Variants in CRPPA observed in about 807,000 individuals in gnomAD.
The protein encoded by CRPPA is D-ribitol-5-phosphate cytidylyltransferase.
CRPPA carries 43 observed loss-of-function variants against 52.0 expected under a neutral mutation model. The ratio of observed to expected loss-of-function variants is 0.83; its 90% CI spans 0.65 to 1.07. The LOEUF is 1.07. CRPPA is among the 50% of genes least tolerant of loss of function. The probability of loss-of-function intolerance (pLI) is 0.00; values close to 1 mark genes in which losing one functional copy is unlikely to be tolerated. For missense variants in CRPPA, 629 were observed against 551.7 expected, an observed-to-expected ratio of 1.14 and a Z score of -1.40; for synonymous variants, 250 against 203.5, an observed-to-expected ratio of 1.23 and a Z score of -1.94.
At chr7:16,360,766 T>C (rs1032628475) in intron 3 of CRPPA, among the ~76,000 whole-genome samples, 1 of 152,134 alleles carries the variant, frequency 6.6e-6, no homozygotes, top group Non-Finnish European at 1.5e-5. Context: ...AAAGCAAGAA[T>C]TATAGAAATC....
intron 5 of CRPPA, among the ~76,000 whole-genome samples, chr7:16,293,643 G>T (rs529099278): frequency 1.3e-5 from 2 of 152,012 alleles, no homozygotes; most frequent in Admixed American, 6.6e-5. Context: ...AACAAATAAA[G>T]ACATGCAAGA....
intron 6 of CRPPA, among the ~76,000 whole-genome samples, chr7:16,273,251 A>G (rs770009875): frequency 6.6e-6 from 1 of 151,914 alleles, no homozygotes; most frequent in Non-Finnish European, 1.5e-5. Flanking sequence ...CTGTGGCCCA[A>G]AGTGAGAACA....
At chr7:16,287,920 A>AG (rs1784483487) in intron 5 of CRPPA, among the ~76,000 whole-genome samples, 1 of 118,712 alleles carries the variant, frequency 8.4e-6, no homozygotes, top group Non-Finnish European at 1.7e-5. Context: ...AAAGGAAGGA[A>AG]GGAAGGGAGG....
At chr7:16,208,460 C>T (rs1439990657) in intron 9 of CRPPA, among the ~76,000 whole-genome samples, 1 of 152,130 alleles carries the variant, frequency 6.6e-6, no homozygotes, top group Non-Finnish European at 1.5e-5. Flanking sequence ...TCTGTAATTT[C>T]ATAATTTCAA....
intron 4 of CRPPA, among the ~76,000 whole-genome samples, chr7:16,306,031 T>A (rs931901962): frequency 2.0e-5 from 3 of 152,202 alleles, no homozygotes; most frequent in Non-Finnish European, 4.4e-5. Context: ...CCCCTGCCAT[T>A]CCTTGGCTTG....
chr7:16,379,937 A>G (rs569136508), intron 2 of CRPPA, among the ~76,000 whole-genome samples: 589 of 152,290 alleles, frequency 3.9e-3, no homozygotes, highest in Non-Finnish European at 6.9e-3. Context: ...ATCTGCAAAC[A>G]GGGACAATTT....
chr7:16,280,345 A>G (rs1477411806), intron 5 of CRPPA, among the ~76,000 whole-genome samples: 1 of 152,202 alleles, frequency 6.6e-6, no homozygotes, highest in East Asian at 1.9e-4. Flanking sequence ...AACAGAGTTA[A>G]CCCAAACTTA....
intron 8 of CRPPA, among the ~76,000 whole-genome samples, chr7:16,251,068 G>A (rs1469669759): frequency 1.3e-5 from 2 of 151,716 alleles, no homozygotes; most frequent in East Asian, 3.9e-4. Context: ...AAAAAGCAGG[G>A]GTTGCAATCC....
chr7:16,370,924 C>G (rs1583554860), intron 3 of CRPPA, among the ~76,000 whole-genome samples: 1 of 152,188 alleles, frequency 6.6e-6, no homozygotes, highest in South Asian at 2.1e-4. Flanking sequence ...TGGATTCAGG[C>G]TTGCATGAGA....
chr7:16,181,046 AG>A (rs1781403552), intron 9 of CRPPA, among the ~76,000 whole-genome samples: 1 of 152,038 alleles, frequency 6.6e-6, no homozygotes, highest in Non-Finnish European at 1.5e-5. Flanking sequence ...TTGTAAAAAA[AG>A]CCATGATATA....
intron 2 of CRPPA, among the ~76,000 whole-genome samples, chr7:16,391,600 A>G (rs1267136901): frequency 6.6e-6 from 1 of 152,146 alleles, no homozygotes; most frequent in Admixed American, 6.6e-5. Flanking sequence ...TAACGCTAAA[A>G]AATTCAGTTC....
chr7:16,419,370 T>C (rs1223693542), intron 1 of CRPPA, among the ~76,000 whole-genome samples: 1 of 152,262 alleles, frequency 6.6e-6, no homozygotes, highest in South Asian at 2.1e-4. Flanking sequence ...TTCCTTGGCA[T>C]AGGCCGAACT....
intron 4 of CRPPA, among the ~76,000 whole-genome samples, chr7:16,302,057 G>A (rs1226350680): frequency 2.6e-5 from 4 of 152,064 alleles, no homozygotes; most frequent in Admixed American, 6.5e-5. Flanking sequence ...AACCTCTTGG[G>A]AGGCCAAGGC....
chr7:16,144,888 C>G (rs545005718), intron 9 of CRPPA, among the ~76,000 whole-genome samples: 3 of 152,154 alleles, frequency 2.0e-5, no homozygotes, highest in Non-Finnish European at 4.4e-5. Flanking sequence ...CTTCTTTCAT[C>G]TGTTGCTCGG....
intron 9 of CRPPA, among the ~76,000 whole-genome samples, chr7:16,118,099 T>C (rs1782413780): frequency 1.3e-5 from 2 of 152,238 alleles, no homozygotes; most frequent in Non-Finnish European, 2.9e-5. Flanking sequence ...GCTCTTAGAA[T>C]GTATCCATTC....
chr7:16,226,649 T>C (rs1021149167), intron 8 of CRPPA, among the ~76,000 whole-genome samples: 1 of 151,958 alleles, frequency 6.6e-6, no homozygotes, highest in Non-Finnish European at 1.5e-5. Flanking sequence ...AGTTAGATAG[T>C]GGCTACCACA....
At chr7:16,420,641 A>C (rs1312450628) in intron 1 of CRPPA, among the ~76,000 whole-genome samples, 1 of 152,200 alleles carries the variant, frequency 6.6e-6, no homozygotes, top group Non-Finnish European at 1.5e-5. Flanking sequence ...AATGAAAAAA[A>C]CGAACACACG....
intron 8 of CRPPA, among the ~76,000 whole-genome samples, chr7:16,250,850 G>A (rs1336928120): frequency 6.6e-6 from 1 of 152,114 alleles, no homozygotes; most frequent in Non-Finnish European, 1.5e-5. Context: ...GAATCATAAC[G>A]ATAGGATCAA....
Position 16,406,329 on chromosome 7 carries a change from C to A in CRPPA, c.266G>T (p.Trp89Leu). The change falls in exon 2 of 10, where the codon TGG (tryptophan) becomes TTG (leucine). Residue 89 changes from tryptophan (W) to leucine (L), a missense_variant. Coordinates refer to ENST00000407010, the MANE Select transcript of CRPPA (RefSeq NM_001101426.4). ...TACTGCCACAACAATGTCCTTTATC[C>A]AACATACTCTAAAAGGAAAGTATAT... ...YTLQALERVC[W>L]IKDIVVAVTG... 1 of 1,612,332 alleles carries A rather than the reference C, an allele frequency of 6.2e-7. No individual in the cohort carries two copies. Among genetic ancestry groups the A allele is most frequent in the Non-Finnish European group, 8.5e-7 (1 of 1,178,586 alleles).
Sources: gnomAD v4.1 joint callset for allele counts (sites outside exome capture counted in the v4.1 genomes callset) on GRCh38, gnomAD v4.1.1 for gene constraint, MANE v1.5 for transcripts, NCBI Gene and HGNC (gene_info 2026-07-23, HGNC 2026-07-21) for gene names.